Variants in CRISPLD2 observed in about 807,000 individuals in gnomAD.
CRISPLD2 encodes the protein cysteine-rich secretory protein LCCL domain-containing 2.
Under a neutral mutation model 71.1 loss-of-function variants are expected in CRISPLD2, and 47 were observed. The ratio of observed to expected loss-of-function variants is 0.66; its 90% CI spans 0.52 to 0.84. The LOEUF is 0.84. Among genes scored for constraint, CRISPLD2 ranks in the 40% least tolerant of loss-of-function variants. The pLI, the probability that CRISPLD2 is intolerant of heterozygous loss-of-function variation, is 0.00. For missense variants in CRISPLD2, 830 were observed against 651.1 expected (o/e 1.27, Z -2.99); for synonymous variants, 317 against 250.1 (o/e 1.27, Z -2.52).
chr16:84,865,497 G>A (rs183082283), intron 6 of CRISPLD2, among the ~76,000 whole-genome samples: 2 of 152,256 alleles, frequency 1.3e-5, no homozygotes, highest in Admixed American at 1.3e-4. Flanking sequence ...AGAGACCTGC[G>A]AGCGTGCTCT....
chr16:84,861,840 A>G (rs1357747074), intron 6 of CRISPLD2, among the ~76,000 whole-genome samples: 2 of 152,182 alleles, frequency 1.3e-5, no homozygotes, highest in Non-Finnish European at 2.9e-5. Flanking sequence ...TTAGATGGGA[A>G]GATCGCTTGA....
chr16:84,823,303 G>A (rs1012714609), intron 1 of CRISPLD2, among the ~76,000 whole-genome samples: 8 of 152,304 alleles, frequency 5.3e-5, no homozygotes, highest in Non-Finnish European at 1.2e-4. Flanking sequence ...CTTTTACAGA[G>A]GCTTCTGCTG....
chr16:84,879,896 A>G (rs1035018247), intron 12 of CRISPLD2, among the ~76,000 whole-genome samples: 1 of 152,216 alleles, frequency 6.6e-6, no homozygotes, highest in Non-Finnish European at 1.5e-5. Flanking sequence ...TCTTTTCTTA[A>G]GTAAAGCCCG....
rs377535486 is a variant in CRISPLD2 at position 84,850,560 on chromosome 16, C to T, written c.493-8C>T. 1.9e-6 allele frequency: 3 copies of T among 1,612,692 alleles called. No individual in the cohort carries two copies. Among genetic ancestry groups the T allele is most frequent in the Non-Finnish European group, 2.5e-6 (3 of 1,178,822 alleles). ...TCGAGCTGTGACACACAAATGTCATCTTTTCAGATAGTTTGGGCCACCACC... is the reference window on the plus strand; with the variant it reads ...TCGAGCTGTGACACACAAATGTCATTTTTTCAGATAGTTTGGGCCACCACC... On this transcript the variant is annotated splice_polypyrimidine_tract_variant and splice_region_variant and intron_variant, in intron 4 of 14. Coordinates refer to ENST00000262424, the MANE Select transcript of CRISPLD2 (RefSeq NM_031476.4).
chr16:84,836,234 C>T (rs1431344721), intron 1 of CRISPLD2: 1 of 152,222 alleles, frequency 6.6e-6, no homozygotes, highest in Non-Finnish European at 1.5e-5. Context: ...GGAGCATCGT[C>T]ATGACACCAG....
intron 13 of CRISPLD2, among the ~76,000 whole-genome samples, chr16:84,885,497 G>C (rs1171346444): frequency 1.3e-5 from 2 of 152,220 alleles, no homozygotes; most frequent in Non-Finnish European, 2.9e-5. Flanking sequence ...CCTGTGTCCT[G>C]TGCTGACATC....
chr16:84,863,580 C>G (rs1233230170), intron 6 of CRISPLD2, among the ~76,000 whole-genome samples: 1 of 152,240 alleles, frequency 6.6e-6, no homozygotes, highest in Non-Finnish European at 1.5e-5. Flanking sequence ...GCTGTGCGAG[C>G]CTGGGCAGGG....
chr16:84,820,768 G>T (rs1045549758), intron 1 of CRISPLD2, among the ~76,000 whole-genome samples: 6 of 152,030 alleles, frequency 3.9e-5, no homozygotes, highest in African/African-American at 1.4e-4. Flanking sequence ...CCATGTCAGG[G>T]TTCTGCAGTC....
At chr16:84,827,547 C>T (rs1173325403) in intron 1 of CRISPLD2, among the ~76,000 whole-genome samples, 1 of 150,764 alleles carries the variant, frequency 6.6e-6, no homozygotes, top group Non-Finnish European at 1.5e-5. Context: ...CTGCTGCCTG[C>T]AGTGCCCTTT....
chr16:84,854,167 G>A (rs1323839262), intron 5 of CRISPLD2, among the ~76,000 whole-genome samples: 2 of 152,162 alleles, frequency 1.3e-5, no homozygotes, highest in African/African-American at 2.4e-5. Flanking sequence ...TGTGACCTGG[G>A]GCAAGTCACT....
intron 13 of CRISPLD2, among the ~76,000 whole-genome samples, chr16:84,881,826 T>G (rs987137736): frequency 6.6e-6 from 1 of 151,916 alleles, no homozygotes; most frequent in Non-Finnish European, 1.5e-5. Flanking sequence ...CCTTTACAGC[T>G]CTCTCCCGCT....
At chr16:84,849,607 C>G (rs1917024612) in intron 4 of CRISPLD2, 90 bp downstream of exon 4, 1 of 1,381,106 alleles carries the variant, frequency 7.2e-7, no homozygotes, top group East Asian at 2.3e-5. Flanking sequence ...ATCTGTAAAG[C>G]CTCTGCGCTG....
At chr16:84,849,671 G>A (rs1270708627) in intron 4 of CRISPLD2, among the ~76,000 whole-genome samples, 154 bp downstream of exon 4, 3 of 152,106 alleles carry the variant, frequency 2.0e-5, no homozygotes, top group Non-Finnish European at 4.4e-5. Context: ...GCTGGGAGAA[G>A]AAGCTGTTTG....
chr16:84,821,514 G>T (rs1916230297), intron 1 of CRISPLD2, among the ~76,000 whole-genome samples: 1 of 152,210 alleles, frequency 6.6e-6, no homozygotes, highest in Admixed American at 6.5e-5. Flanking sequence ...TGAAGTGCTT[G>T]CCTAAGATCC....
chr16:84,882,145 C>G (rs192832591), intron 13 of CRISPLD2, among the ~76,000 whole-genome samples: 15 of 152,134 alleles, frequency 9.9e-5, no homozygotes, highest in African/African-American at 3.6e-4. Context: ...AAATAAAGAG[C>G]TGGGCAAAGC....
At chr16:84,825,063 C>T (rs1451883810) in intron 1 of CRISPLD2, among the ~76,000 whole-genome samples, 1 of 151,992 alleles carries the variant, frequency 6.6e-6, no homozygotes, top group Admixed American at 6.5e-5. Flanking sequence ...GAGATCACGC[C>T]ACCACTGCAC....
rs139794118 is a variant in CRISPLD2, at chr16:84,826,276, C to T, written c.-75+6143C>T. ...CACCTCCCTCCAAAATCAGGAAGGC[C>T]CCTTAAGAACAAGTTGTTGGCATAT... On this transcript the variant is annotated intron_variant, in intron 1 of 14. Coordinates refer to ENST00000262424, the MANE Select transcript of CRISPLD2 (RefSeq NM_031476.4). 2.0e-5 allele frequency among the ~76,000 whole-genome samples: 3 copies of T among 152,284 alleles called. No homozygotes were observed. In the East Asian group the frequency reaches 5.8e-4, roughly 29 times the overall value.
At chr16:84,871,581 T>A (rs2071469406) in intron 8 of CRISPLD2, among the ~76,000 whole-genome samples, 1 of 152,134 alleles carries the variant, frequency 6.6e-6, no homozygotes, top group Non-Finnish European at 1.5e-5. Flanking sequence ...AGACTGAGTC[T>A]TGCTCTGTTG....
chr16:84,863,842 C>T (rs1274090545), intron 6 of CRISPLD2, among the ~76,000 whole-genome samples: 1 of 151,650 alleles, frequency 6.6e-6, no homozygotes, highest in Non-Finnish European at 1.5e-5. Context: ...GTGGCGCATG[C>T]CTGTAATCCC....
Sources: gnomAD v4.1 joint callset for allele counts (sites outside exome capture counted in the v4.1 genomes callset) on GRCh38, gnomAD v4.1.1 for gene constraint, MANE v1.5 for transcripts, NCBI Gene and HGNC (gene_info 2026-07-23, HGNC 2026-07-21) for gene names.